FLYWCH1: variants seen among roughly 807,000 people sequenced by gnomAD.
FLYWCH1 encodes the protein FLYWCH-type zinc finger 1.
A neutral mutation model predicts 66.4 loss-of-function variants in FLYWCH1; 75 were observed. That is an observed-to-expected ratio of 1.13 (90% CI 0.94 to 1.37). The LOEUF (loss-of-function observed/expected upper bound fraction) is 1.37. Ranked by LOEUF, FLYWCH1 falls within the 40% of genes most tolerant of loss-of-function variation. The probability of loss-of-function intolerance (pLI) is 0.00; values close to 1 mark genes in which losing one functional copy is unlikely to be tolerated. For missense variants in FLYWCH1, 1,334 were observed against 1,001.8 expected, an observed-to-expected ratio of 1.33 and a Z score of -4.48; for synonymous variants, 595 against 429.9, an observed-to-expected ratio of 1.38 and a Z score of -4.75.
chr16:2,936,954 G>C, intron 6 of FLYWCH1, 167 bp from the exon 7 acceptor site: 2 of 893,704 alleles, frequency 2.2e-6, no homozygotes, highest in South Asian at 1.7e-5. Context: ...CCAGCAGCTG[G>C]AGCCCCAGCA....
chr16:2,947,038 T>C (rs1002463342), intron 9 of FLYWCH1, among the ~76,000 whole-genome samples: 5 of 152,222 alleles, frequency 3.3e-5, no homozygotes, highest in Admixed American at 6.5e-5. Context: ...CACAGAAGTA[T>C]ACACAAATGT....
At position 2,938,283 on chromosome 16, in the gene FLYWCH1, A is replaced by T. The variant is rs1027740110; in HGVS notation, c.1877A>T (p.Lys626Met). The change falls in exon 8 of 10, where the codon AAG (lysine) becomes ATG (methionine). Residue 626 changes from lysine to methionine, a missense_variant. Transcript: ENST00000253928. Reference protein sequence around the residue: ...LYRKEKAAGEKVYWMCRDQAR... With the variant: ...LYRKEKAAGEMVYWMCRDQAR... ...AGGAAGGAGAAGGCGGCTGGGGAGA[A>T]GGTGTACTGGATGTGCCGGGACCAG... 19 of 1,612,704 alleles carry T rather than the reference A, an allele frequency of 1.2e-5. No homozygotes were observed. The highest frequency in any genetic ancestry group is 1.4e-5 in the Non-Finnish European group (17 of 1,179,404).
At chr16:2,932,081 G>A (rs988744238) in intron 4 of FLYWCH1, among the ~76,000 whole-genome samples, 2 of 139,724 alleles carry the variant, frequency 1.4e-5, no homozygotes, top group South Asian at 2.2e-4. Flanking sequence ...TCGTGCCACC[G>A]CACTCCAGCC....
intron 1 of FLYWCH1, among the ~76,000 whole-genome samples, chr16:2,913,728 T>A (rs954143891): frequency 8.5e-5 from 13 of 152,308 alleles, no homozygotes; most frequent in Admixed American, 6.5e-4. Context: ...AGGAGGAATG[T>A]CTGTGTGCAC....
intron 2 of FLYWCH1, among the ~76,000 whole-genome samples, chr16:2,926,376 G>C (rs2070567606): frequency 6.6e-6 from 1 of 152,228 alleles, no homozygotes; most frequent in Non-Finnish European, 1.5e-5. Context: ...AACAGGAGAA[G>C]ATAGCGTTTC....
chr16:2,913,936 C>T (rs554586299), intron 1 of FLYWCH1, among the ~76,000 whole-genome samples: 23 of 152,242 alleles, frequency 1.5e-4, no homozygotes, highest in Middle Eastern at 3.4e-3. Context: ...TCTCGAACTC[C>T]TGGGCTCAAA....
chr16:2,917,636 A>G (rs1376913753), intron 2 of FLYWCH1, among the ~76,000 whole-genome samples: 1 of 152,126 alleles, frequency 6.6e-6, no homozygotes, highest in African/African-American at 2.4e-5. Flanking sequence ...GCACAAAGCA[A>G]ACCTCAGGTG....
chr16:2,939,971 G>T, intron 8 of FLYWCH1, 61 bp from the exon 9 acceptor site: 1 of 1,544,172 alleles, frequency 6.5e-7, no homozygotes, highest in Non-Finnish European at 8.8e-7. Flanking sequence ...TGTGTCCTTG[G>T]TTCTGTCAGC....
chr16:2,927,530 G>A (rs1167540855), intron 2 of FLYWCH1, among the ~76,000 whole-genome samples: 3 of 152,244 alleles, frequency 2.0e-5, no homozygotes, highest in Non-Finnish European at 4.4e-5. Flanking sequence ...CTTGTAATGG[G>A]ATTGGAGGAG....
chr16:2,929,501 T>C, intron 2 of FLYWCH1, 112 bp from the exon 3 acceptor site: 2 of 744,948 alleles, frequency 2.7e-6, no homozygotes, highest in Non-Finnish European at 4.3e-6. Flanking sequence ...CCGGCCAGTC[T>C]TGGCCCCAGC....
At position 2,943,379 on chromosome 16, in the gene FLYWCH1, G is replaced by A. The variant is rs1029967583; in HGVS notation, c.2111+3287G>A. The A allele has an allele frequency of 5.3e-5, 8 of 151,738 alleles. No homozygotes were observed. In the South Asian group the frequency reaches 6.2e-4, roughly 12 times the overall value. The allele number at this position is 151,738 out of a possible 1,614,324, so 9.4% of individuals were successfully genotyped here. ...TGCATCTTCCTGTTACTAATTCTGCGTCGCATCTTTTCACCGTAGTAAATC... is the reference window on the plus strand; with the variant it reads ...TGCATCTTCCTGTTACTAATTCTGCATCGCATCTTTTCACCGTAGTAAATC... On this transcript the variant is annotated intron_variant, in intron 9 of 9. Coordinates refer to ENST00000253928, the MANE Select transcript of FLYWCH1 (RefSeq NM_001308068.2).
At chr16:2,914,049 C>G (rs1435207465) in intron 1 of FLYWCH1, 127 bp from the exon 2 acceptor site, 1 of 152,242 alleles carries the variant, frequency 6.6e-6, no homozygotes, top group Non-Finnish European at 1.5e-5. Flanking sequence ...CTTCCCTCCT[C>G]CCGCTCCTAT....
chr16:2,942,330 T>C (rs889211520), intron 9 of FLYWCH1, among the ~76,000 whole-genome samples: 1 of 152,048 alleles, frequency 6.6e-6, no homozygotes, highest in African/African-American at 2.4e-5. Context: ...CTATTTTTAG[T>C]AGAAACGGGG....
chr16:2,936,257 C>T (rs2070994453), intron 6 of FLYWCH1: 1 of 383,444 alleles, frequency 2.6e-6, no homozygotes, highest in East Asian at 7.3e-5. Context: ...AAGCGTGCCC[C>T]ATGGTCACAC....
At chr16:2,939,397 A>G (rs370969890) in intron 8 of FLYWCH1, among the ~76,000 whole-genome samples, 4 of 152,186 alleles carry the variant, frequency 2.6e-5, no homozygotes, top group Non-Finnish European at 4.4e-5. Flanking sequence ...CGGAGGTTGC[A>G]GTGAGCCAAG....
chr16:2,938,079 G>C, intron 7 of FLYWCH1, 105 bp from the exon 8 acceptor site: 1 of 1,134,900 alleles, frequency 8.8e-7, no homozygotes, highest in Admixed American at 2.4e-5. Flanking sequence ...CGTGCTAGGG[G>C]ATCGCAGATT....
intron 9 of FLYWCH1, 87 bp from the exon 10 acceptor site, chr16:2,948,601 A>C: frequency 7.3e-7 from 1 of 1,378,032 alleles, no homozygotes; most frequent in Non-Finnish European, 1.0e-6. Flanking sequence ...CCCAGGAAAA[A>C]GGATTCCAGG....
At chr16:2,923,951 G>A (rs1206156916) in intron 2 of FLYWCH1, among the ~76,000 whole-genome samples, 1 of 152,050 alleles carries the variant, frequency 6.6e-6, no homozygotes, top group African/African-American at 2.4e-5. Context: ...AGGCAGAATA[G>A]CTTGAAACTC....
rs145506859 is a variant in FLYWCH1, at chr16:2,938,082, C to G, written c.1778-102C>G. On this transcript the variant is annotated intron_variant, in intron 7 of 9. Coordinates refer to ENST00000253928, the MANE Select transcript of FLYWCH1 (RefSeq NM_001308068.2). ...ACCACCGTGCAGCGTGCTAGGGGAT[C>G]GCAGATTCCTGGTGGGGCCTGGCTG... The G allele has an allele frequency of 1.4e-3, 1,629 of 1,182,260 alleles. 20 individuals carry two copies. In the African/African-American group the frequency reaches 0.022, roughly 16 times the overall value. The allele number at this position is 1,182,260 out of a possible 1,614,324, so 73.2% of individuals were successfully genotyped here. A position where few individuals can be genotyped will look rare whatever the true frequency, so the allele number is the denominator to read the frequency against.
Sources: allele counts gnomAD v4.1 joint callset (sites outside exome capture counted in the v4.1 genomes callset), GRCh38; gene constraint gnomAD v4.1.1; transcripts MANE v1.5; gene names NCBI Gene and HGNC (gene_info 2026-07-23, HGNC 2026-07-21).